Variants in BRDT observed in about 807,000 individuals in gnomAD.
BRDT encodes bromodomain testis associated.
In BRDT, 77 loss-of-function variants were observed where a neutral mutation model predicts 113.9. The ratio of observed to expected loss-of-function variants is 0.68; its 90% CI spans 0.56 to 0.82. The LOEUF is 0.82. Ranked by LOEUF, BRDT falls within the 40% of genes least tolerant of loss-of-function variation. The probability of loss-of-function intolerance (pLI) is 0.00; values close to 1 mark genes in which losing one functional copy is unlikely to be tolerated. For missense variants in BRDT, 1,027 were observed against 1,105.4 expected (o/e 0.93, Z 1.01); for synonymous variants, 358 against 366.5 (o/e 0.98, Z 0.26).
chr1:91,973,067 G>A (rs1683780459), intron 4 of BRDT, among the ~76,000 whole-genome samples: 1 of 152,148 alleles, frequency 6.6e-6, no homozygotes, highest in African/African-American at 2.4e-5. Flanking sequence ...ATGCCTGAAG[G>A]AAATGTTGGA....
chr1:91,966,362 G>C (rs1010634331), intron 3 of BRDT, among the ~76,000 whole-genome samples: 6 of 152,174 alleles, frequency 3.9e-5, no homozygotes, highest in African/African-American at 1.4e-4. Flanking sequence ...ACCAGTGCCA[G>C]CTTATATGTA....
intron 7 of BRDT, among the ~76,000 whole-genome samples, chr1:91,979,011 A>AAAAAC (rs1553189994): frequency 1.3e-4 from 17 of 130,836 alleles, no homozygotes; most frequent in Admixed American, 4.1e-4. Flanking sequence ...AAAAAAAAAA[A>AAAAAC]AACAACAACA....
intron 11 of BRDT, 57 bp from the exon 12 acceptor site, chr1:91,981,561 A>G: frequency 1.3e-6 from 2 of 1,595,778 alleles, no homozygotes; most frequent in Non-Finnish European, 1.7e-6. Flanking sequence ...CAGTTTTTAA[A>G]TGTTCCTGCA....
intron 17 of BRDT, 105 bp from the exon 18 acceptor site, chr1:92,005,014 C>T (rs1687175227): frequency 2.2e-5 from 19 of 856,792 alleles, no homozygotes; most frequent in Non-Finnish European, 3.2e-5. Flanking sequence ...ATAACATGAA[C>T]ATGGTTGTCT....
intron 3 of BRDT, among the ~76,000 whole-genome samples, chr1:91,967,238 CT>C (rs1683152846): frequency 6.6e-6 from 1 of 151,550 alleles, no homozygotes; most frequent in Non-Finnish European, 1.5e-5. Context: ...AGTAGAAATT[CT>C]CTTTTTTTTT....
intron 1 of BRDT, among the ~76,000 whole-genome samples, chr1:91,957,309 C>T (rs1301824191): frequency 2.6e-5 from 4 of 152,024 alleles, no homozygotes; most frequent in South Asian, 4.2e-4. Flanking sequence ...CTGGCTAACA[C>T]GGTGAAACCC....
At chr1:91,982,559 A>G (rs979466569) in intron 12 of BRDT, among the ~76,000 whole-genome samples, 9 of 152,136 alleles carry the variant, frequency 5.9e-5, no homozygotes, top group Admixed American at 3.9e-4. Context: ...GTGAAATTCA[A>G]TTCTCTTTTT....
intron 12 of BRDT, among the ~76,000 whole-genome samples, chr1:91,987,678 A>T (rs775409798): frequency 3.8e-4 from 50 of 130,958 alleles, no homozygotes; most frequent in Non-Finnish European, 7.2e-4. Flanking sequence ...GTTTTTTTAA[A>T]TCATATTATG....
At chr1:92,007,041 G>C (rs368202510) in intron 18 of BRDT, among the ~76,000 whole-genome samples, 1 of 152,122 alleles carries the variant, frequency 6.6e-6, no homozygotes, top group Admixed American at 6.6e-5. Context: ...CACCCACCTT[G>C]GCCTCCCAAA....
At position 91,962,779 on chromosome 1, in the gene BRDT, G is replaced by A; in HGVS notation, c.25G>A (p.Ala9Thr). The A allele has an allele frequency of 6.3e-7, 1 of 1,599,606 alleles. No homozygotes were observed. Among genetic ancestry groups the A allele is most frequent in the Non-Finnish European group, 8.5e-7 (1 of 1,174,930 alleles). Residue 9 changes from alanine to threonine, a missense_variant, in exon 2 of 19, where the codon GCT (alanine) becomes ACT (threonine). Physicochemically the swap from Ala to Thr is moderately conservative, Grantham distance 58. Coordinates refer to ENST00000399546, the MANE Select transcript of BRDT (RefSeq NM_207189.4). ...AATGTCTCTGCCAAGTCGACAAACA[G>A]CTATTATTGTTAACCCTCCTCCACC... Reference protein sequence around the residue: MSLPSRQTAIIVNPPPPEY... With the variant: MSLPSRQTTIIVNPPPPEY...
At chr1:91,952,360 A>C (rs1681191099) in intron 1 of BRDT, 2 of 152,276 alleles carry the variant, frequency 1.3e-5, no homozygotes, top group South Asian at 2.1e-4. Context: ...GAGAGGCCAC[A>C]GGATCATGCT....
intron 1 of BRDT, among the ~76,000 whole-genome samples, chr1:91,951,841 T>C (rs1408933327): frequency 6.7e-6 from 1 of 150,088 alleles, no homozygotes; most frequent in Non-Finnish European, 1.5e-5. Flanking sequence ...CAGCCAGGAG[T>C]TCAAGACAAG....
chr1:91,995,797 C>T (rs1000531682), intron 15 of BRDT, among the ~76,000 whole-genome samples: 1 of 152,064 alleles, frequency 6.6e-6, no homozygotes, highest in Non-Finnish European at 1.5e-5. Flanking sequence ...CCACCACGCC[C>T]AGCTAATTTT....
intron 1 of BRDT, among the ~76,000 whole-genome samples, chr1:91,951,867 G>A (rs1040225977): frequency 2.6e-5 from 4 of 151,984 alleles, no homozygotes; most frequent in African/African-American, 7.2e-5. Flanking sequence ...CCAACATGGC[G>A]AAACCCCATC....
intron 3 of BRDT, among the ~76,000 whole-genome samples, chr1:91,967,240 CTT>C (rs746218429): frequency 6.9e-6 from 1 of 145,334 alleles, no homozygotes; most frequent in African/African-American, 2.5e-5. Flanking sequence ...TAGAAATTCT[CTT>C]TTTTTTTTTT....
intron 4 of BRDT, among the ~76,000 whole-genome samples, chr1:91,970,330 A>G (rs1296694878): frequency 1.3e-5 from 2 of 152,160 alleles, no homozygotes; most frequent in African/African-American, 4.8e-5. Context: ...GTGGCACTCC[A>G]CAATCAGTTC....
chr1:91,956,772 C>T (rs1022865983), intron 1 of BRDT, among the ~76,000 whole-genome samples: 2 of 151,924 alleles, frequency 1.3e-5, no homozygotes, highest in Non-Finnish European at 2.9e-5. Context: ...ACTCTGGCTC[C>T]CCCCCTTTCC....
intron 6 of BRDT, 163 bp downstream of exon 6, chr1:91,977,556 G>A (rs936152122): frequency 3.3e-6 from 2 of 597,270 alleles, no homozygotes; most frequent in African/African-American, 1.9e-5. Context: ...ATATCTTTTT[G>A]TTTTCTTCCA....
chr1:92,000,744 A>C (rs1686760603), intron 15 of BRDT, among the ~76,000 whole-genome samples: 1 of 152,182 alleles, frequency 6.6e-6, no homozygotes, highest in Admixed American at 6.5e-5. Context: ...GAATTGAATC[A>C]AGTGATCAAT....
Sources: allele counts gnomAD v4.1 joint callset (sites outside exome capture counted in the v4.1 genomes callset), GRCh38; gene constraint gnomAD v4.1.1; transcripts MANE v1.5; gene names NCBI Gene and HGNC (gene_info 2026-07-23, HGNC 2026-07-21).